The following FRMPD4 variants were observed in gnomAD, a reference collection of about 807,000 sequenced individuals.
FRMPD4 encodes the protein FERM and PDZ domain-containing protein 4.
Under a neutral mutation model 94.1 loss-of-function variants are expected in FRMPD4, and 22 were observed. That is an observed-to-expected ratio of 0.23 (90% confidence interval 0.17 to 0.33). The LOEUF is 0.33. Among genes scored for constraint, FRMPD4 ranks in the 10% least tolerant of loss-of-function variants. The probability of loss-of-function intolerance (pLI) is 1.00; values close to 1 mark genes in which losing one functional copy is unlikely to be tolerated. For synonymous variants in FRMPD4, 631 were observed against 548.6 expected, an observed-to-expected ratio of 1.15 and a Z score of -2.10; for missense variants, 1,111 against 1,339.9, an observed-to-expected ratio of 0.83 and a Z score of 2.67.
chrX:12,523,380 T>C (rs754276116), intron 2 of FRMPD4, among the ~76,000 whole-genome samples: 10 of 112,380 alleles, frequency 8.9e-5, no homozygotes, highest in African/African-American at 2.9e-4. Context: ...ACTCATTCTT[T>C]TGGTTTGAAT....
At chrX:12,645,579 T>C (rs1373058532) in intron 4 of FRMPD4, among the ~76,000 whole-genome samples, 1 of 109,921 alleles carries the variant, frequency 9.1e-6, no homozygotes, top group African/African-American at 3.3e-5. Context: ...AGTCTCGAGC[T>C]TCCGACCTCA....
At chrX:12,558,556 A>C (rs1459125818) in intron 2 of FRMPD4, among the ~76,000 whole-genome samples, 1 of 112,574 alleles carries the variant, frequency 8.9e-6, no homozygotes, top group Admixed American at 9.4e-5. Context: ...AACATAAACT[A>C]TATTTGCTAA....
At chrX:12,176,142 G>A (rs944572981) in intron 1 of FRMPD4, among the ~76,000 whole-genome samples, 4 of 112,210 alleles carry the variant, frequency 3.6e-5, no homozygotes, top group Non-Finnish European at 7.5e-5. Context: ...ACTGGTAGGA[G>A]CCAAGCAAGC....
chrX:12,155,688 G>A (rs771607814), intron 1 of FRMPD4, among the ~76,000 whole-genome samples: 1 of 105,978 alleles, frequency 9.4e-6, no homozygotes, highest in South Asian at 4.2e-4. Context: ...AATTTTCTCA[G>A]AAACTTCATA....
intron 1 of FRMPD4, among the ~76,000 whole-genome samples, chrX:12,388,628 AT>A (rs1285977201): frequency 5.7e-5 from 6 of 105,706 alleles, no homozygotes; most frequent in Admixed American, 5.1e-4. Context: ...AAAAAACTAA[AT>A]AAAAATAAAA....
chrX:12,686,030 C>T, intron 6 of FRMPD4, 67 bp from the exon 7 acceptor site: 2 of 525,908 alleles, frequency 3.8e-6, no homozygotes, highest in South Asian at 3.1e-5. Context: ...TATAGATGTG[C>T]TGCTACTGCA....
intron 3 of FRMPD4, among the ~76,000 whole-genome samples, chrX:11,893,385 G>T (rs766131943): frequency 7.4e-4 from 83 of 112,061 alleles, no homozygotes; most frequent in African/African-American, 2.7e-3. Context: ...GAGACACTTG[G>T]ACCTGAATTT....
intron 3 of FRMPD4, among the ~76,000 whole-genome samples, chrX:11,999,750 G>T (rs1250389469): frequency 8.9e-6 from 1 of 111,889 alleles, no homozygotes; most frequent in East Asian, 2.8e-4. Flanking sequence ...AAGCAAATCG[G>T]AATGGGAGAT....
At chrX:12,286,372 A>C (rs2054599961) in intron 1 of FRMPD4, among the ~76,000 whole-genome samples, 1 of 111,762 alleles carries the variant, frequency 8.9e-6, no homozygotes. Context: ...CTCATCTATA[A>C]TATGAGGAGA....
At chrX:12,205,180 CA>C (rs2056678085) in intron 1 of FRMPD4, among the ~76,000 whole-genome samples, 1 of 109,732 alleles carries the variant, frequency 9.1e-6, no homozygotes, top group Non-Finnish European at 1.9e-5. Flanking sequence ...AGCCTGTTCC[CA>C]GTGCACCTAG....
intron 4 of FRMPD4, among the ~76,000 whole-genome samples, chrX:12,672,349 C>G (rs182748752): frequency 8.9e-6 from 1 of 111,756 alleles, no homozygotes; most frequent in Non-Finnish European, 1.9e-5. Context: ...TATATTTCTG[C>G]GAAGGCCCTC....
chrX:12,215,646 G>A (rs771922875), intron 1 of FRMPD4, among the ~76,000 whole-genome samples: 1 of 111,701 alleles, frequency 9.0e-6, no homozygotes, highest in Non-Finnish European at 1.9e-5. Context: ...GGGACAGACA[G>A]GTCAAGTGAC....
intron 1 of FRMPD4, among the ~76,000 whole-genome samples, chrX:11,842,418 T>C (rs1160752230): frequency 3.5e-3 from 337 of 95,514 alleles, no homozygotes; most frequent in Non-Finnish European, 5.7e-3. Flanking sequence ...TCCTCTTTTA[T>C]TTCATTGAGC....
At chrX:12,071,757 C>T (rs772908189) in intron 3 of FRMPD4, among the ~76,000 whole-genome samples, 61 of 111,328 alleles carry the variant, frequency 5.5e-4, no homozygotes, top group Admixed American at 1.7e-3. Flanking sequence ...CCTTTCTCTG[C>T]TTTTACAGGG....
chrX:11,841,618 T>C (rs1267410923), intron 1 of FRMPD4, among the ~76,000 whole-genome samples: 3 of 111,855 alleles, frequency 2.7e-5, no homozygotes, highest in Non-Finnish European at 5.6e-5. Context: ...TGTAAATGTG[T>C]TTGAGTTCAT....
chrX:12,244,094 C>T (rs888635269), intron 1 of FRMPD4, among the ~76,000 whole-genome samples: 13 of 110,083 alleles, frequency 1.2e-4, no homozygotes, highest in Non-Finnish European at 1.9e-4. Flanking sequence ...CTGCACCTGG[C>T]GTTTTTGTTT....
At chrX:11,994,494 T>C (rs2054485726) in intron 3 of FRMPD4, among the ~76,000 whole-genome samples, 1 of 111,302 alleles carries the variant, frequency 9.0e-6, no homozygotes, top group Non-Finnish European at 1.9e-5. Context: ...GCTCTTGTGA[T>C]AAGAAGATTG....
At chrX:12,720,034 GGAAAGGAAAGGAAAGGAAAGAAAGAAA>G (rs1569078313) in intron 16 of FRMPD4, among the ~76,000 whole-genome samples, 9 of 31,371 alleles carry the variant, frequency 2.9e-4, no homozygotes, top group South Asian at 1.6e-3. Context: ...GGAAAGGAAA[GGAAAGGAAAGGAAAGGAAAGAAAGAAA>G]GAAAGAAAGA....
At chrX:12,675,632 AC>A (rs960354126) in intron 5 of FRMPD4, among the ~76,000 whole-genome samples, 1 of 110,566 alleles carries the variant, frequency 9.0e-6, no homozygotes, top group Admixed American at 9.7e-5. Context: ...GTCCTAGGCA[AC>A]CGCTAATTTC....
Sources: gnomAD v4.1 joint callset for allele counts (sites outside exome capture counted in the v4.1 genomes callset) on GRCh38, gnomAD v4.1.1 for gene constraint, MANE v1.5 for transcripts, NCBI Gene and HGNC (gene_info 2026-07-23, HGNC 2026-07-21) for gene names.